The following FAM111B variants were observed in gnomAD, a reference collection of about 807,000 sequenced individuals.
The protein encoded by FAM111B is serine protease FAM111B.
A neutral mutation model predicts 2.8 loss-of-function variants in FAM111B; 1 was observed. The ratio of observed to expected loss-of-function variants is 0.36; its 90% confidence interval spans 0.13 to 1.70. The LOEUF is 1.70. Among genes scored for constraint, FAM111B ranks in the 40% most tolerant of loss-of-function variants. The pLI is 0.35. For missense variants in FAM111B, 882 were observed against 878.9 expected, an observed-to-expected ratio of 1.00 and a Z score of -0.04; for synonymous variants, 297 against 295.6, an observed-to-expected ratio of 1.00 and a Z score of -0.05.
In FAM111B at chr11:59,125,409, T is replaced by C; in HGVS notation, c.1312T>C (p.Phe438Leu). Residue 438 changes from phenylalanine to leucine, a missense_variant, in exon 4 of 4, where the codon TTC (phenylalanine) becomes CTC (leucine). By Grantham distance (22) the Phe-to-Leu change is conservative (BLOSUM62 0). Coordinates refer to ENST00000343597, the MANE Select transcript of FAM111B (RefSeq NM_198947.4). ...GCAATTCAACATATATAAAAAGGACTTCGGAAAAATGACTGCAAATTCTGT... is the reference window on the plus strand; with the variant it reads ...GCAATTCAACATATATAAAAAGGACCTCGGAAAAATGACTGCAAATTCTGT... ...AKQFNIYKKD[F>L]GKMTANSVSV... The C allele has an allele frequency of 1.2e-6, 2 of 1,613,854 alleles. No individual in the cohort carries two copies. The highest frequency in any genetic ancestry group is 1.7e-6 in the Non-Finnish European group (2 of 1,179,808).
At chr11:59,113,038 A>G (rs1859783159) in intron 3 of FAM111B, among the ~76,000 whole-genome samples, 1 of 152,190 alleles carries the variant, frequency 6.6e-6, no homozygotes, top group Non-Finnish European at 1.5e-5. Flanking sequence ...TTTGTGGATC[A>G]TGCTTTTGCT....
At chr11:59,120,430 G>C (rs2135401218) in intron 3 of FAM111B, among the ~76,000 whole-genome samples, 1 of 152,232 alleles carries the variant, frequency 6.6e-6, no homozygotes, top group East Asian at 1.9e-4. Context: ...AGATAATGAG[G>C]GCTCTACATA....
chr11:59,111,395 T>G lies in FAM111B; in HGVS notation c.81+1689T>G, dbSNP rs1284099896. On this transcript the variant is annotated intron_variant, in intron 3 of 3. Transcript: ENST00000343597. ...CTTTTTTTTCTTTGAATTCCATGTG[T>G]AGGTTTTTGGATTTCCTTCTGTAAA... Among the ~76,000 whole-genome samples, 4 of 152,152 alleles carry G rather than the reference T, an allele frequency of 2.6e-5. No individual in the cohort carries two copies. In the East Asian group the frequency reaches 7.7e-4, roughly 29 times the overall value.
intron 3 of FAM111B, among the ~76,000 whole-genome samples, chr11:59,113,235 G>A (rs1452000701): frequency 6.6e-6 from 1 of 152,168 alleles, no homozygotes; most frequent in Non-Finnish European, 1.5e-5. Flanking sequence ...TAACACAATT[G>A]TGGATGATTA....
rs376281103 is a variant in FAM111B at position 59,124,187 on chromosome 11, C to T, written c.90C>T (p.Val30=). The change falls in exon 4 of 4, where the codon GTC becomes GTT. Residue 30 remains valine, a synonymous_variant. Coordinates refer to ENST00000343597, the MANE Select transcript of FAM111B (RefSeq NM_198947.4). The stretch of plus-strand genomic sequence containing the variant: ...AATCTTTCCTTTTTAAGGATACTGT[C>T]ATGAAGCAGACACATGCTGACACAC... The part of the protein sequence containing the change: ...RTRPEVSKDT[V]MKQTHADTPV... The T allele has an allele frequency of 6.8e-5, 110 of 1,607,434 alleles. 1 individual carries two copies. In the African/African-American group the frequency reaches 1.2e-3, roughly 18 times the overall value.
At chr11:59,116,808 G>A (rs1040340927) in intron 3 of FAM111B, among the ~76,000 whole-genome samples, 3 of 152,224 alleles carry the variant, frequency 2.0e-5, no homozygotes, top group Admixed American at 2.0e-4. Context: ...GAAACCCCCA[G>A]GTGATTCTGA....
chr11:59,124,497 G>T lies in FAM111B; in HGVS notation c.400G>T (p.Glu134Ter), dbSNP rs768070950. 1.9e-6 allele frequency: 3 copies of T among 1,613,262 alleles called. No individual in the cohort carries two copies. Among genetic ancestry groups the T allele is most frequent in the Non-Finnish European group, 2.5e-6 (3 of 1,179,538 alleles). The change falls in exon 4 of 4, where the codon GAA (glutamate) becomes TAA (stop). Residue 134 changes from glutamate (E) to a stop codon, truncating the protein, a stop_gained. Coordinates refer to ENST00000343597, the MANE Select transcript of FAM111B (RefSeq NM_198947.4). LOFTEE classifies it low-confidence loss of function (END_TRUNC). The part of the protein sequence containing the change: ...QFNKNIIVYE[E>*]KTIDGHINLG... ...TAATAAGAACATTATTGTTTATGAAGAAAAGACAATAGATGGACATATAAA... is the reference window on the plus strand; with the variant it reads ...TAATAAGAACATTATTGTTTATGAATAAAAGACAATAGATGGACATATAAA...
chr11:59,109,650 A>G lies in FAM111B; in HGVS notation c.25A>G (p.Asn9Asp). ...CATGAATTCCATGAAGACTGAAGAA[A>G]ACAAGTCATTTAGCGCTATGGAAGA... MNSMKTEE[N>D]KSFSAMEDDQ... The change falls in exon 3 of 4, where the codon AAC becomes GAC. Residue 9 changes from asparagine (N) to aspartate (D), a missense_variant. Asn to Asp is a conservative substitution (Grantham distance 23, BLOSUM62 1). Transcript: ENST00000343597. The G allele has an allele frequency of 6.2e-7, 1 of 1,611,708 alleles. No homozygotes were observed. The highest frequency in any genetic ancestry group is 8.5e-7 in the Non-Finnish European group (1 of 1,178,786).
chr11:59,122,865 T>C (rs1223359162), intron 3 of FAM111B, among the ~76,000 whole-genome samples: 1 of 152,184 alleles, frequency 6.6e-6, no homozygotes, highest in Non-Finnish European at 1.5e-5. Flanking sequence ...TGCACCTACC[T>C]ACTAAATGAT....
At position 59,124,898 on chromosome 11, in the gene FAM111B, C is replaced by G; in HGVS notation, c.801C>G (p.Asp267Glu). Residue 267 changes from aspartate to glutamate, a missense_variant, in exon 4 of 4, where the codon GAC (aspartate) becomes GAG (glutamate). Physicochemically the swap from Asp to Glu is conservative, Grantham distance 45 (BLOSUM62 2). Coordinates refer to ENST00000343597, the MANE Select transcript of FAM111B (RefSeq NM_198947.4). ...TATCTGGAAAAGTCTTAGAAATGGACATTTCAAAAAAAAAAGCATTACAAC... is the reference window on the plus strand; with the variant it reads ...TATCTGGAAAAGTCTTAGAAATGGAGATTTCAAAAAAAAAAGCATTACAAC... ...DEVSGKVLEM[D>E]ISKKKALQQK... is the part of the protein sequence containing the mutation. 1.3e-6 allele frequency: 2 copies of G among 1,591,938 alleles called. No individual in the cohort carries two copies. The highest frequency in any genetic ancestry group is 1.7e-6 in the Non-Finnish European group (2 of 1,172,620).
rs764055213 is a variant in FAM111B at position 59,124,417 on chromosome 11, T to C, written c.320T>C (p.Ile107Thr). The change falls in exon 4 of 4, where the codon ATC (isoleucine) becomes ACC (threonine). Residue 107 changes from isoleucine (I) to threonine (T), a missense_variant. Physicochemically the swap from Ile to Thr is moderately conservative, Grantham distance 89. Coordinates refer to ENST00000343597, the MANE Select transcript of FAM111B (RefSeq NM_198947.4). ...GCATATGGTAAACCCAGCGAGAGTA[T>C]CTACTCAGCCCTGAGTGCTAATGAC... ...FTAYGKPSES[I>T]YSALSANDYF... The C allele has an allele frequency of 3.1e-6, 5 of 1,613,646 alleles. No individual in the cohort carries two copies. The highest frequency in any genetic ancestry group is 1.1e-5 in the South Asian group (1 of 91,064).
chr11:59,109,574 T>A lies in FAM111B; in HGVS notation c.-52T>A. On this transcript the variant is annotated 5_prime_UTR_variant, in exon 3 of 4. Transcript: ENST00000343597. ...GTGGCAGAATAAATTCAATCCTTGTTTCTCCATCTTATCGAGTAGTAGAAG... is the reference window on the plus strand; with the variant it reads ...GTGGCAGAATAAATTCAATCCTTGTATCTCCATCTTATCGAGTAGTAGAAG... 7.9e-7 allele frequency: 1 copy of A among 1,260,906 alleles called. No homozygotes were observed. The highest frequency in any genetic ancestry group is 1.1e-6 in the Non-Finnish European group (1 of 900,594). The allele number at this position is 1,260,906 out of a possible 1,614,324, so 78.1% of individuals were successfully genotyped here.
At chr11:59,118,967 T>G (rs893816805) in intron 3 of FAM111B, among the ~76,000 whole-genome samples, 1 of 152,264 alleles carries the variant, frequency 6.6e-6, no homozygotes, top group African/African-American at 2.4e-5. Flanking sequence ...GTTTTGCCTG[T>G]ATATTACAGA....
intron 2 of FAM111B, among the ~76,000 whole-genome samples, chr11:59,108,979 T>C (rs1859711386): frequency 6.6e-6 from 1 of 152,200 alleles, no homozygotes; most frequent in Admixed American, 6.5e-5. Flanking sequence ...AGCTTGCTTT[T>C]ATTTATTAGG....
At chr11:59,107,516 G>C (rs1049297435) in intron 1 of FAM111B, among the ~76,000 whole-genome samples, 2 of 152,172 alleles carry the variant, frequency 1.3e-5, no homozygotes, top group Non-Finnish European at 2.9e-5. Context: ...CCTGAATCTC[G>C]AGAGGGTCGT....
chr11:59,107,747 A>C (rs551804695), intron 1 of FAM111B, among the ~76,000 whole-genome samples: 21 of 152,278 alleles, frequency 1.4e-4, no homozygotes, highest in Admixed American at 5.9e-4. Context: ...CTTTCCAGAA[A>C]CAGCTGAGTG....
chr11:59,111,646 C>T (rs1451415249), intron 3 of FAM111B, among the ~76,000 whole-genome samples: 2 of 152,076 alleles, frequency 1.3e-5, no homozygotes, highest in Admixed American at 6.5e-5. Context: ...AGTTATATCA[C>T]GTGTCAAGTA....
chr11:59,123,883 C>A (rs1174188551), intron 3 of FAM111B, among the ~76,000 whole-genome samples: 2 of 152,072 alleles, frequency 1.3e-5, no homozygotes, highest in Non-Finnish European at 2.9e-5. Context: ...ACATTTGTTA[C>A]AAAGATGATA....
intron 3 of FAM111B, among the ~76,000 whole-genome samples, chr11:59,114,420 T>C (rs1859808708): frequency 6.6e-6 from 1 of 151,958 alleles, no homozygotes; most frequent in African/African-American, 2.4e-5. Flanking sequence ...TGCAGTGGCC[T>C]GAGACTGGGA....
Sources: gnomAD v4.1 joint callset for allele counts (sites outside exome capture counted in the v4.1 genomes callset) on GRCh38, gnomAD v4.1.1 for gene constraint, MANE v1.5 for transcripts, NCBI Gene and HGNC (gene_info 2026-07-23, HGNC 2026-07-21) for gene names.